Variants in ERG observed in about 807,000 individuals in gnomAD.
ERG encodes transcriptional regulator ERG.
Under a neutral mutation model 55.3 loss-of-function variants are expected in ERG, and 9 were observed. The observed-to-expected ratio is 0.16, with a 90% CI of 0.10 to 0.28. ERG has a LOEUF of 0.28. Among genes scored for constraint, ERG ranks in the 10% least tolerant of loss-of-function variants. ERG has a pLI of 1.00. For missense variants in ERG, 434 were observed against 631.6 expected (o/e 0.69, Z 3.35); for synonymous variants, 223 against 237.3 (o/e 0.94, Z 0.55).
intron 1 of ERG, among the ~76,000 whole-genome samples, chr21:38,594,408 T>G (rs1262922897): frequency 1.3e-5 from 2 of 152,196 alleles, no homozygotes; most frequent in Non-Finnish European, 2.9e-5. Context: ...GCACTGCATC[T>G]ATATAGAATT....
intron 2 of ERG, among the ~76,000 whole-genome samples, chr21:38,532,150 A>G (rs1362526019): frequency 2.0e-5 from 3 of 152,228 alleles, no homozygotes; most frequent in Admixed American, 2.0e-4. Context: ...CAAGGTAACA[A>G]AGGGTGAGAC....
chr21:38,426,911 C>G (rs948027208), intron 2 of ERG, among the ~76,000 whole-genome samples: 1 of 141,754 alleles, frequency 7.1e-6, no homozygotes, highest in Non-Finnish European at 1.5e-5. Flanking sequence ...GCCTGGGCAA[C>G]AAGAGCAAGA....
intron 2 of ERG, among the ~76,000 whole-genome samples, chr21:38,434,061 T>G (rs1017262224): frequency 6.6e-6 from 1 of 152,134 alleles, no homozygotes; most frequent in African/African-American, 2.4e-5. Context: ...AAGCTGCCCA[T>G]GTCCAACCTA....
At chr21:38,648,826 T>C (rs2060472185) in intron 1 of ERG, among the ~76,000 whole-genome samples, 1 of 152,248 alleles carries the variant, frequency 6.6e-6, no homozygotes, top group Non-Finnish European at 1.5e-5. Context: ...TTGGACTCGC[T>C]GGCTTGTTTC....
intron 1 of ERG, among the ~76,000 whole-genome samples, chr21:38,601,025 C>G (rs1370275368): frequency 6.6e-6 from 1 of 152,174 alleles, no homozygotes; most frequent in Non-Finnish European, 1.5e-5. Context: ...ATCAGGTTTA[C>G]AAGGAAGAAA....
intron 1 of ERG, among the ~76,000 whole-genome samples, chr21:38,453,726 T>C (rs113751489): frequency 1.9e-4 from 29 of 152,040 alleles, no homozygotes; most frequent in African/African-American, 6.5e-4. Context: ...CTACTAAAAA[T>C]ACAAAAAGTT....
At chr21:38,410,361 T>A (rs1569075260) in intron 3 of ERG, among the ~76,000 whole-genome samples, 1 of 152,230 alleles carries the variant, frequency 6.6e-6, no homozygotes, top group African/African-American at 2.4e-5. Flanking sequence ...TCATTCTACA[T>A]GTCATGGACA....
At chr21:38,616,416 GTCTCAA>G (rs1051159638) in intron 1 of ERG, among the ~76,000 whole-genome samples, 129 of 152,132 alleles carry the variant, frequency 8.5e-4, no homozygotes, top group African/African-American at 2.7e-3. Context: ...AGCTATTTTT[GTCTCAA>G]TAATTTTGCA....
Position 38,381,424 on chromosome 21 carries a change from A to C in ERG, c.*1979T>G, listed in dbSNP as rs2836353. 0.18 allele frequency: 195,273 copies of C among 1,062,396 alleles called. 18,587 individuals are homozygous for C. The highest frequency in any genetic ancestry group is 0.29 in the South Asian group (6,407 of 21,938). The allele number at this position is 1,062,396 out of a possible 1,614,324, so 65.8% of individuals were successfully genotyped here. A position where few individuals can be genotyped will look rare whatever the true frequency, so the allele number is the denominator to read the frequency against. ...TGGAAATAAACATTGTCTTCAAGGGATAGCCAGCAACATCAGGCTCAGGGC... is the reference window on the plus strand; with the variant it reads ...TGGAAATAAACATTGTCTTCAAGGGCTAGCCAGCAACATCAGGCTCAGGGC... On this transcript the variant is annotated 3_prime_UTR_variant, in exon 10 of 10. Transcript: ENST00000288319.
intron 9 of ERG, among the ~76,000 whole-genome samples, chr21:38,387,955 A>G (rs924533678): frequency 3.9e-5 from 6 of 152,198 alleles, no homozygotes; most frequent in African/African-American, 1.2e-4. Context: ...GCCATGCTTA[A>G]TCACTGCGCA....
intron 1 of ERG, among the ~76,000 whole-genome samples, chr21:38,633,187 G>A (rs888482814): frequency 6.6e-6 from 1 of 152,172 alleles, no homozygotes; most frequent in East Asian, 1.9e-4. Context: ...TGAAATTCAT[G>A]GAAACAGAAA....
At chr21:38,448,479 C>A (rs1405065318) in intron 1 of ERG, among the ~76,000 whole-genome samples, 1 of 152,066 alleles carries the variant, frequency 6.6e-6, no homozygotes, top group Non-Finnish European at 1.5e-5. Context: ...ACAGAGCAAC[C>A]CAAACTATGC....
chr21:38,420,552 G>C (rs909140609), intron 3 of ERG, among the ~76,000 whole-genome samples: 4 of 152,190 alleles, frequency 2.6e-5, no homozygotes, highest in Non-Finnish European at 4.4e-5. Flanking sequence ...AATTTGCAGA[G>C]CTATCCTTGC....
At chr21:38,413,530 A>G (rs908859801) in intron 3 of ERG, among the ~76,000 whole-genome samples, 2 of 152,162 alleles carry the variant, frequency 1.3e-5, no homozygotes, top group Non-Finnish European at 2.9e-5. Context: ...GGCAAGAAAG[A>G]GTGCCTGTCC....
intron 1 of ERG, among the ~76,000 whole-genome samples, chr21:38,625,711 T>C (rs2060320181): frequency 6.6e-6 from 1 of 152,096 alleles, no homozygotes; most frequent in Admixed American, 6.5e-5. Flanking sequence ...TCAACCTATA[T>C]TCATTTTCAC....
At chr21:38,404,843 T>C (rs1049529536) in intron 3 of ERG, among the ~76,000 whole-genome samples, 9 of 152,194 alleles carry the variant, frequency 5.9e-5, no homozygotes, top group Admixed American at 3.9e-4. Flanking sequence ...CCTTGTTTGT[T>C]TGGTCCCACT....
chr21:38,500,781 G>A (rs2059415075), upstream of ERG, among the ~76,000 whole-genome samples: 1 of 152,130 alleles, frequency 6.6e-6, no homozygotes, highest in South Asian at 2.1e-4. Context: ...CGATCCATAA[G>A]TTTTACTGCG....
At chr21:38,585,522 T>C (rs892358468), upstream of ERG, among the ~76,000 whole-genome samples, 5 of 140,674 alleles carry the variant, frequency 3.6e-5, no homozygotes, top group African/African-American at 8.0e-5. Flanking sequence ...ATCCAGTCCC[T>C]CTCTCTCTTC....
intron 3 of ERG, among the ~76,000 whole-genome samples, chr21:38,408,292 C>T (rs1988868164): frequency 6.6e-6 from 1 of 152,210 alleles, no homozygotes; most frequent in Non-Finnish European, 1.5e-5. Flanking sequence ...GTCCTTTGTT[C>T]CATGGGTGTC....
Sources: allele counts gnomAD v4.1 joint callset (sites outside exome capture counted in the v4.1 genomes callset), GRCh38; gene constraint gnomAD v4.1.1; transcripts MANE v1.5; gene names NCBI Gene and HGNC (gene_info 2026-07-23, HGNC 2026-07-21).